The following COL28A1 variants were observed in gnomAD, a reference collection of about 807,000 sequenced individuals.
COL28A1 encodes the protein collagen alpha-1(XXVIII) chain.
COL28A1 carries 161 observed loss-of-function variants against 150.2 expected under a neutral mutation model. The ratio of observed to expected loss-of-function variants is 1.07; its 90% CI spans 0.94 to 1.22. The LOEUF is 1.22. Among genes scored for constraint, COL28A1 ranks in the 50% most tolerant of loss-of-function variants. COL28A1 has a pLI of 0.00. For synonymous variants in COL28A1, 552 were observed against 469.7 expected (o/e 1.18, Z -2.26); for missense variants, 1,617 against 1,388.3 (o/e 1.16, Z -2.62).
At chr7:7,410,257 A>T (rs1783707006) in intron 27 of COL28A1, among the ~76,000 whole-genome samples, 2 of 152,182 alleles carry the variant, frequency 1.3e-5, no homozygotes, top group East Asian at 3.9e-4. Context: ...ATTTGGTTTT[A>T]AAAATAATAA....
intron 28 of COL28A1, 75 bp downstream of exon 28, chr7:7,381,469 G>C: frequency 9.8e-7 from 1 of 1,022,952 alleles, no homozygotes; most frequent in South Asian, 1.3e-5. Context: ...ACATATATGA[G>C]AGTTCTTCCA....
At chr7:7,490,113 C>T (rs1348912521) in intron 12 of COL28A1, among the ~76,000 whole-genome samples, 1 of 152,206 alleles carries the variant, frequency 6.6e-6, no homozygotes, top group African/African-American at 2.4e-5. Context: ...TGTACAGCCT[C>T]ACAGGATGGA....
chr7:7,359,861 T>G (rs1332905893), intron 34 of COL28A1, among the ~76,000 whole-genome samples: 1 of 152,182 alleles, frequency 6.6e-6, no homozygotes, highest in Non-Finnish European at 1.5e-5. Context: ...TGTAATTCAT[T>G]TTAAAGATAA....
At chr7:7,388,473 G>C (rs1362825802) in intron 27 of COL28A1, among the ~76,000 whole-genome samples, 4 of 152,084 alleles carry the variant, frequency 2.6e-5, no homozygotes, top group Non-Finnish European at 5.9e-5. Flanking sequence ...ATAAACATGT[G>C]GGTGCATGTG....
chr7:7,399,742 T>G lies in COL28A1; in HGVS notation c.2136+18117A>C, dbSNP rs78477569. ...ACAACCAGATTCTCTGGGCCTGGAA[T>G]CTGGAGCTGAGTCTAGGGCCACTTT... On this transcript the variant is annotated intron_variant, in intron 27 of 34. Coordinates refer to ENST00000399429, the MANE Select transcript of COL28A1 (RefSeq NM_001037763.3). 4.2e-4 allele frequency among the ~76,000 whole-genome samples: 64 copies of G among 152,342 alleles called. No individual in the cohort carries two copies. In the East Asian group the frequency reaches 0.012, roughly 28 times the overall value.
In COL28A1 at chr7:7,373,441, T is replaced by G. The variant is rs762709879; in HGVS notation, c.2465A>C (p.Lys822Thr). The G allele has an allele frequency of 6.2e-7, 1 of 1,614,016 alleles. No individual in the cohort carries two copies. The highest frequency in any genetic ancestry group is 2.2e-5 in the East Asian group (1 of 44,896). ...CAGAGCAACCCGGTCAGCCATAGTC[T>G]TCACAAAATTTTTAATGATCTGAAA... ...ENFQIIKNFV[K>T]TMADRVALDL... The change falls in exon 32 of 35, where the codon AAG becomes ACG. Residue 822 changes from lysine (K) to threonine (T), a missense_variant. Physicochemically the swap from Lys to Thr is moderately conservative, Grantham distance 78 (BLOSUM62 -1). Transcript: ENST00000399429. The surrounding 1 kb of genome is among the most constrained non-coding windows in gnomAD (Gnocchi z 4.1).
At chr7:7,354,467 G>T (rs889944596), downstream of COL28A1, among the ~76,000 whole-genome samples, 2 of 152,052 alleles carry the variant, frequency 1.3e-5, no homozygotes, top group African/African-American at 4.8e-5. Context: ...ACAGAGTAGG[G>T]TGTCCTCAAA....
chr7:7,402,126 A>G (rs1783241160), intron 27 of COL28A1, among the ~76,000 whole-genome samples: 1 of 152,188 alleles, frequency 6.6e-6, no homozygotes, highest in South Asian at 2.1e-4. Context: ...TTTAATTCAT[A>G]CTTTAAAATC....
intron 27 of COL28A1, among the ~76,000 whole-genome samples, chr7:7,400,863 A>C (rs866093603): frequency 6.6e-6 from 1 of 152,106 alleles, no homozygotes; most frequent in East Asian, 1.9e-4. Flanking sequence ...AATTACAAGA[A>C]TAATACAAAT....
rs1233351269 is a variant in COL28A1, at chr7:7,466,535, G to A, written c.1302+8066C>T. On this transcript the variant is annotated intron_variant, in intron 15 of 34. Transcript: ENST00000399429. ...GAACCAACTTGGAAAACACTCTGCA[G>A]GATATTATCCAGGAGAACTTCCCCA... Among the ~76,000 whole-genome samples the A allele has an allele frequency of 2.1e-5, 2 of 93,540 alleles. 1 individual carries two copies. Among genetic ancestry groups the A allele is most frequent in the Non-Finnish European group, 3.8e-5 (2 of 52,534 alleles). The allele number at this position is 93,540 out of a possible 152,430, so 61.4% of individuals were successfully genotyped here.
intron 27 of COL28A1, among the ~76,000 whole-genome samples, chr7:7,400,634 T>C (rs1783120314): frequency 1.3e-5 from 2 of 152,198 alleles, no homozygotes; most frequent in South Asian, 4.1e-4. Context: ...ACAGATTTTT[T>C]GTCTGCTGGA....
At chr7:7,417,761 T>A in intron 27 of COL28A1, 98 bp downstream of exon 27, 2 of 975,898 alleles carry the variant, frequency 2.0e-6, no homozygotes, top group South Asian at 1.3e-5. Context: ...TCACAATAAA[T>A]CTATTTCATA....
intron 20 of COL28A1, among the ~76,000 whole-genome samples, chr7:7,441,627 C>A (rs1421470064): frequency 1.3e-5 from 2 of 152,096 alleles, no homozygotes; most frequent in South Asian, 2.1e-4. Flanking sequence ...AACAGAATCA[C>A]CTGGAGAGCT....
intron 14 of COL28A1, among the ~76,000 whole-genome samples, chr7:7,476,062 T>C (rs1381084263): frequency 6.6e-6 from 1 of 152,178 alleles, no homozygotes; most frequent in African/African-American, 2.4e-5. Context: ...TGGAAGAAGC[T>C]GAGAATGAAA....
intron 33 of COL28A1, among the ~76,000 whole-genome samples, chr7:7,363,712 T>G (rs1167263314): frequency 6.6e-6 from 1 of 152,158 alleles, no homozygotes; most frequent in East Asian, 1.9e-4. Context: ...AAATACTGTA[T>G]GTTCAGTTTT....
intron 27 of COL28A1, 120 bp from the exon 28 acceptor site, chr7:7,381,732 G>A (rs773594268): frequency 9.5e-6 from 6 of 634,588 alleles, no homozygotes; most frequent in South Asian, 2.1e-5. Context: ...AATATTAGGG[G>A]AAATATATAT....
chr7:7,458,299 C>G (rs1787333749), intron 15 of COL28A1, among the ~76,000 whole-genome samples: 1 of 151,960 alleles, frequency 6.6e-6, no homozygotes, highest in Admixed American at 6.5e-5. Context: ...GCCTGTAATC[C>G]CAGCTACTCA....
In COL28A1 at chr7:7,481,984, C is replaced by T. The variant is rs534123683; in HGVS notation, c.1165-4804G>A. 5.9e-5 allele frequency among the ~76,000 whole-genome samples: 9 copies of T among 152,062 alleles called. No homozygotes were observed. The South Asian group carries it at 1.9e-3, about 32-fold the overall frequency. ...AATTTTTATGAATCAGTTACATCTA[C>T]CAGACCAGCACAAAACTAGTGGTAA... On this transcript the variant is annotated intron_variant, in intron 13 of 34. Transcript: ENST00000399429.
intron 27 of COL28A1, among the ~76,000 whole-genome samples, chr7:7,396,682 T>C (rs934102553): frequency 1.3e-5 from 2 of 152,180 alleles, no homozygotes; most frequent in Non-Finnish European, 2.9e-5. Context: ...TGTTGAAGTG[T>C]AGGCCTGGCT....
Sources: gnomAD v4.1 joint callset for allele counts (sites outside exome capture counted in the v4.1 genomes callset) on GRCh38, gnomAD v4.1.1 for gene constraint, Gnocchi (gnomAD v3.1) non-coding constraint, MANE v1.5 for transcripts, NCBI Gene and HGNC (gene_info 2026-07-23, HGNC 2026-07-21) for gene names.